The following MS4A15 variants were observed in gnomAD, a reference collection of about 807,000 sequenced individuals.
MS4A15 encodes membrane-spanning 4-domains subfamily A member 15.
Under a neutral mutation model 20.6 loss-of-function variants are expected in MS4A15, and 22 were observed. The observed-to-expected ratio is 1.07, with a 90% CI of 0.76 to 1.52. The LOEUF (loss-of-function observed/expected upper bound fraction) is 1.52. Ranked by LOEUF, MS4A15 falls within the 40% of genes most tolerant of loss-of-function variation. MS4A15 has a pLI of 0.00. For missense variants in MS4A15, 312 were observed against 323.0 expected (o/e 0.97, Z 0.26); for synonymous variants, 129 against 129.3 (o/e 1.00, Z 0.02).
intron 3 of MS4A15, 63 bp downstream of exon 3, chr11:60,767,718 ACG>A: frequency 1.4e-6 from 2 of 1,457,462 alleles, no homozygotes; most frequent in East Asian, 5.3e-5. Flanking sequence ...CCTCTCCCCC[ACG>A]CGCCCACCCC....
At chr11:60,759,929 T>A (rs1399227402) in intron 1 of MS4A15, among the ~76,000 whole-genome samples, 1 of 152,074 alleles carries the variant, frequency 6.6e-6, no homozygotes, top group East Asian at 1.9e-4. Flanking sequence ...AAAATAGTAA[T>A]CAATAAACCC....
At chr11:60,769,792 G>A (rs934806916) in intron 3 of MS4A15, among the ~76,000 whole-genome samples, 4 of 152,012 alleles carry the variant, frequency 2.6e-5, no homozygotes, top group African/African-American at 7.3e-5. Flanking sequence ...AGCAGGTCGC[G>A]CCGGATCACC....
At chr11:60,775,322 A>AAAAAAAAG (rs111900887) in intron 6 of MS4A15, among the ~76,000 whole-genome samples, 10,073 of 147,732 alleles carry the variant, frequency 0.068, 964 homozygotes, top group African/African-American at 0.21. Flanking sequence ...TGTCTCAAAA[A>AAAAAAAAG]AAAAAAGAAA....
chr11:60,763,600 A>G (rs1245060420), intron 1 of MS4A15, 106 bp from the exon 2 acceptor site: 2 of 916,364 alleles, frequency 2.2e-6, no homozygotes, highest in South Asian at 1.6e-5. Flanking sequence ...GTTTGGGGCC[A>G]TACTGGCAGG....
At chr11:60,765,103 A>G (rs1357756162) in intron 2 of MS4A15, among the ~76,000 whole-genome samples, 1 of 152,176 alleles carries the variant, frequency 6.6e-6, no homozygotes, top group African/African-American at 2.4e-5. Context: ...AGCTGCAGCT[A>G]GGTGTCTGCC....
Position 60,775,813 on chromosome 11 carries a change from CA to C in MS4A15, c.*99del, listed in dbSNP as rs1338000624. On this transcript the variant is annotated 3_prime_UTR_variant, in exon 7 of 7. Coordinates refer to ENST00000405633, the MANE Select transcript of MS4A15 (RefSeq NM_001098835.2). ...TGTTCATCAGGGGCCAGCCCCATCC[CA>C]GCTGCCCTCCCTCACCACATCTACA... 1 of 899,658 alleles carries C rather than the reference CA, an allele frequency of 1.1e-6. No homozygotes were observed. Among genetic ancestry groups the C allele is most frequent in the African/African-American group, 1.7e-5 (1 of 59,934 alleles). 55.7% of individuals were successfully genotyped at this position (899,658 alleles called of 1,614,324 possible). A position where few individuals can be genotyped will look rare whatever the true frequency, so the allele number is the denominator to read the frequency against.
intron 3 of MS4A15, among the ~76,000 whole-genome samples, chr11:60,769,306 A>G (rs536972934): frequency 1.3e-5 from 2 of 152,330 alleles, no homozygotes; most frequent in Admixed American, 1.3e-4. Context: ...CTGAAAGTAC[A>G]GGGGTATTAT....
chr11:60,763,368 G>T (rs1401485685), intron 1 of MS4A15, among the ~76,000 whole-genome samples: 1 of 152,134 alleles, frequency 6.6e-6, no homozygotes, highest in East Asian at 1.9e-4. Flanking sequence ...CTAGCTGTGT[G>T]TCCTTAGGTA....
At position 60,775,819 on chromosome 11, in the gene MS4A15, C is replaced by A; in HGVS notation, c.*104C>A. 1 of 825,214 alleles carries A rather than the reference C, an allele frequency of 1.2e-6. No individual in the cohort carries two copies. Among genetic ancestry groups the A allele is most frequent in the Non-Finnish European group, 2.0e-6 (1 of 510,958 alleles). The allele number at this position is 825,214 out of a possible 1,614,324, so 51.1% of individuals were successfully genotyped here. On this transcript the variant is annotated 3_prime_UTR_variant, in exon 7 of 7. Coordinates refer to ENST00000405633, the MANE Select transcript of MS4A15 (RefSeq NM_001098835.2). ...TCAGGGGCCAGCCCCATCCCAGCTGCCCTCCCTCACCACATCTACACATAC... is the reference window on the plus strand; with the variant it reads ...TCAGGGGCCAGCCCCATCCCAGCTGACCTCCCTCACCACATCTACACATAC...
At chr11:60,771,522 C>CAGG (rs1374693158) in intron 4 of MS4A15, 175 bp downstream of exon 4, 4 of 1,534,898 alleles carry the variant, frequency 2.6e-6, no homozygotes, top group Admixed American at 2.0e-5. Flanking sequence ...TGTGCATGTC[C>CAGG]AGGAGAAGAA....
chr11:60,771,549 C>G (rs1265871841), intron 4 of MS4A15: 1 of 1,531,164 alleles, frequency 6.5e-7, no homozygotes, highest in Non-Finnish European at 8.7e-7. Context: ...GATACTCTTT[C>G]AATACACAAG....
intron 2 of MS4A15, among the ~76,000 whole-genome samples, chr11:60,765,245 T>C (rs1042749705): frequency 1.3e-5 from 2 of 152,188 alleles, no homozygotes; most frequent in African/African-American, 4.8e-5. Flanking sequence ...GGTTTCAGTG[T>C]GTTTCTGTAC....
intron 2 of MS4A15, among the ~76,000 whole-genome samples, chr11:60,764,224 G>A (rs562390471): frequency 1.3e-5 from 2 of 152,318 alleles, no homozygotes; most frequent in African/African-American, 2.4e-5. Flanking sequence ...AGCGAGGGTA[G>A]GTGGAAACTT....
intron 2 of MS4A15, among the ~76,000 whole-genome samples, chr11:60,766,487 A>G (rs552001701): frequency 1.3e-5 from 2 of 152,346 alleles, no homozygotes; most frequent in East Asian, 3.9e-4. Context: ...CAGGCATTCA[A>G]TAAGCGGCAG....
chr11:60,763,603 C>A, intron 1 of MS4A15, 103 bp from the exon 2 acceptor site: 1 of 936,464 alleles, frequency 1.1e-6, no homozygotes, highest in Non-Finnish European at 1.6e-6. Context: ...TGGGGCCATA[C>A]TGGCAGGGCT....
chr11:60,766,574 C>T (rs554710097), intron 2 of MS4A15, among the ~76,000 whole-genome samples: 68 of 152,228 alleles, frequency 4.5e-4, no homozygotes, highest in African/African-American at 1.6e-3. Context: ...AGGGGAGCAA[C>T]GCTGGCGACT....
In MS4A15 at chr11:60,773,410, A is replaced by C. The variant is rs1590986541; in HGVS notation, c.424A>C (p.Thr142Pro). 6.2e-7 allele frequency: 1 copy of C among 1,613,118 alleles called. No individual in the cohort carries two copies. Among genetic ancestry groups the C allele is most frequent in the Non-Finnish European group, 8.5e-7 (1 of 1,179,860 alleles). ...TSCLVRSSLG[T>P]NILSVMAAFA... ...TCTGCAGGTGAGGAGCAGCCTGGGC[A>C]CCAACATCCTCAGCGTCATGGCGGC... is the stretch of plus-strand genomic sequence containing the variant. The change falls in exon 5 of 7, where the codon ACC becomes CCC. Residue 142 changes from threonine (T) to proline (P), a missense_variant. Thr to Pro is a conservative substitution (Grantham distance 38). Coordinates refer to ENST00000405633, the MANE Select transcript of MS4A15 (RefSeq NM_001098835.2).
At chr11:60,767,512 G>A in intron 2 of MS4A15, 21 bp from the exon 3 acceptor site, 1 of 1,499,220 alleles carries the variant, frequency 6.7e-7, no homozygotes. Context: ...CCGCGGCACT[G>A]AGCCTCGGGG....
chr11:60,760,805 T>C (rs1026482441), intron 1 of MS4A15, among the ~76,000 whole-genome samples: 2 of 152,158 alleles, frequency 1.3e-5, no homozygotes, highest in African/African-American at 2.4e-5. Flanking sequence ...GGACCTGTCA[T>C]TGGAGAATCG....
Sources: allele counts gnomAD v4.1 joint callset (sites outside exome capture counted in the v4.1 genomes callset), GRCh38; gene constraint gnomAD v4.1.1; transcripts MANE v1.5; gene names NCBI Gene and HGNC (gene_info 2026-07-23, HGNC 2026-07-21).